WDPCP: variants seen among roughly 807,000 people sequenced by gnomAD.
WDPCP encodes WD repeat containing planar cell polarity effector.
WDPCP carries 71 observed loss-of-function variants against 93.1 expected under a neutral mutation model. That is an observed-to-expected ratio of 0.76 (90% CI 0.63 to 0.93). The LOEUF (loss-of-function observed/expected upper bound fraction) is 0.93. Ranked by LOEUF, WDPCP falls within the 40% of genes least tolerant of loss-of-function variation. WDPCP has a pLI of 0.00. For synonymous variants in WDPCP, 315 were observed against 315.0 expected, an observed-to-expected ratio of 1.00 and a Z score of 0.00; for missense variants, 844 against 887.4, an observed-to-expected ratio of 0.95 and a Z score of 0.62.
intron 15 of WDPCP, among the ~76,000 whole-genome samples, chr2:63,167,590 C>T (rs1009118786): frequency 1.1e-4 from 17 of 152,010 alleles, no homozygotes; most frequent in African/African-American, 3.9e-4. Flanking sequence ...TTAAACATTG[C>T]TGGTTGTATT....
chr2:63,834,054 C>T, the WDPCP span, among the ~76,000 whole-genome samples: 4 of 152,140 alleles, frequency 2.6e-5, no homozygotes, highest in Non-Finnish European at 5.9e-5. Context: ...CACTAGGAAA[C>T]TGGTAAAACC....
At chr2:63,590,499 A>G (rs912608822), upstream of WDPCP, 2 of 152,248 alleles carry the variant, frequency 1.3e-5, no homozygotes, top group Non-Finnish European at 2.9e-5. Flanking sequence ...TGAAGTTACC[A>G]GTTCATACTG....
intron 12 of WDPCP, among the ~76,000 whole-genome samples, chr2:63,334,552 C>T (rs1338561491): frequency 6.6e-6 from 1 of 152,098 alleles, no homozygotes; most frequent in Non-Finnish European, 1.5e-5. Context: ...TTAGCCTCTC[C>T]AAAGGAGGCA....
chr2:63,586,934 T>C (rs1708881598), intron 1 of WDPCP, among the ~76,000 whole-genome samples: 1 of 152,266 alleles, frequency 6.6e-6, no homozygotes, highest in South Asian at 2.1e-4. Flanking sequence ...TGCAAGTTTG[T>C]TACATATGTA....
chr2:63,355,689 G>A lies in WDPCP; in HGVS notation c.1748+22697C>T, dbSNP rs546515633. ...GAGGTCAGGAATTCAAGGCCAGCCT[G>A]GCCAACATGGTGAGACCCCCCAACC... On this transcript the variant is annotated intron_variant, in intron 12 of 17. Transcript: ENST00000272321. 2.0e-5 allele frequency among the ~76,000 whole-genome samples: 3 copies of A among 152,220 alleles called. No homozygotes were observed. In the South Asian group the frequency reaches 6.2e-4, roughly 32 times the overall value.
intron 2 of WDPCP, among the ~76,000 whole-genome samples, chr2:63,652,074 G>T (rs1710115494): frequency 1.3e-5 from 2 of 152,288 alleles, no homozygotes; most frequent in South Asian, 2.1e-4. Context: ...ATTCTGAAGG[G>T]CCATTTGTTC....
At chr2:63,519,799 C>CA (rs1160844918) in intron 1 of WDPCP, among the ~76,000 whole-genome samples, 9 of 152,144 alleles carry the variant, frequency 5.9e-5, no homozygotes, top group East Asian at 5.8e-4. Context: ...AGAATCAGCA[C>CA]AAAAAATGGC....
chr2:63,672,895 C>T (rs922409812), intron 2 of WDPCP, among the ~76,000 whole-genome samples: 4 of 152,054 alleles, frequency 2.6e-5, no homozygotes, highest in East Asian at 1.9e-4. Context: ...AGGCATGTGC[C>T]GCCATGCCAG....
intron 13 of WDPCP, among the ~76,000 whole-genome samples, chr2:63,297,417 T>A (rs1195182141): frequency 6.6e-6 from 1 of 152,140 alleles, no homozygotes; most frequent in Non-Finnish European, 1.5e-5. Flanking sequence ...TATACTTAAG[T>A]TATTGCTGTC....
chr2:63,276,661 C>A (rs923266932), intron 13 of WDPCP, among the ~76,000 whole-genome samples: 5 of 152,046 alleles, frequency 3.3e-5, no homozygotes, highest in Admixed American at 3.3e-4. Flanking sequence ...TCAAATTAAC[C>A]CAATCCATCA....
chr2:63,622,550 A>G (rs1709756150), intron 3 of WDPCP: 5 of 1,613,752 alleles, frequency 3.1e-6, no homozygotes, highest in South Asian at 2.2e-5. Context: ...AGGTGAAGGT[A>G]GTCATGGTCT....
At chr2:63,773,531 C>A (rs1221437449) in intron 2 of WDPCP, among the ~76,000 whole-genome samples, 1 of 151,896 alleles carries the variant, frequency 6.6e-6, no homozygotes, top group Non-Finnish European at 1.5e-5. Context: ...ATGGATATAA[C>A]CATTGTATAA....
chr2:63,825,907 T>C (rs780221154), intron 1 of WDPCP, among the ~76,000 whole-genome samples: 3 of 152,170 alleles, frequency 2.0e-5, no homozygotes, highest in Non-Finnish European at 4.4e-5. Flanking sequence ...ACAGTCCTTA[T>C]GATTTCCTTA....
intron 2 of WDPCP, among the ~76,000 whole-genome samples, chr2:63,672,662 C>T (rs1710359834): frequency 6.6e-6 from 1 of 151,476 alleles, no homozygotes; most frequent in Admixed American, 6.6e-5. Context: ...TAGGGTCTCA[C>T]TCTGTTGTCC....
chr2:63,156,093 G>A (rs1003993321), intron 15 of WDPCP, among the ~76,000 whole-genome samples: 11 of 151,954 alleles, frequency 7.2e-5, no homozygotes, highest in African/African-American at 2.4e-4. Context: ...TCCGCCCCCC[G>A]GATTCCAGCG....
At chr2:63,478,665 C>T (rs114714752) in intron 6 of WDPCP, among the ~76,000 whole-genome samples, 3,064 of 152,086 alleles carry the variant, frequency 0.02, 40 homozygotes, top group Non-Finnish European at 0.03. Context: ...AAAACCTCTG[C>T]GATACAGCAA....
At chr2:63,624,138 A>G (rs548958165) in intron 3 of WDPCP, among the ~76,000 whole-genome samples, 1 of 152,350 alleles carries the variant, frequency 6.6e-6, no homozygotes, top group African/African-American at 2.4e-5. Flanking sequence ...GAAGCCAATG[A>G]GAACAAAGAC....
intron 1 of WDPCP, among the ~76,000 whole-genome samples, chr2:63,500,878 T>C (rs1177808124): frequency 1.3e-5 from 2 of 152,212 alleles, no homozygotes; most frequent in African/African-American, 4.8e-5. Context: ...TTTAGGCAAA[T>C]AGCAGTTATC....
At chr2:63,575,445 A>G (rs111691224) in intron 1 of WDPCP, among the ~76,000 whole-genome samples, 834 of 12,288 alleles carry the variant, frequency 0.068, 157 homozygotes, top group African/African-American at 0.18. Flanking sequence ...TACAGTGTAT[A>G]CACTGTATAT....
Sources: gnomAD v4.1 joint callset for allele counts (sites outside exome capture counted in the v4.1 genomes callset) on GRCh38, gnomAD v4.1.1 for gene constraint, MANE v1.5 for transcripts, NCBI Gene and HGNC (gene_info 2026-07-23, HGNC 2026-07-21) for gene names.